CACNA1I: variants seen among roughly 807,000 people sequenced by gnomAD.
CACNA1I encodes voltage-dependent T-type calcium channel subunit alpha-1I.
CACNA1I carries 74 observed loss-of-function variants against 201.6 expected under a neutral mutation model. That is an observed-to-expected ratio of 0.37 (90% CI 0.30 to 0.45). The LOEUF (loss-of-function observed/expected upper bound fraction) is 0.45, where lower values mean the gene tolerates loss of function less well. CACNA1I is among the 20% of genes least tolerant of loss of function. CACNA1I has a pLI of 1.00. For synonymous variants in CACNA1I, 1,431 were observed against 1,345.2 expected (o/e 1.06, Z -1.40); for missense variants, 2,346 against 3,138.1 (o/e 0.75, Z 6.03).
At chr22:39,680,466 G>A (rs946128349) in intron 33 of CACNA1I, among the ~76,000 whole-genome samples, 3 of 152,206 alleles carry the variant, frequency 2.0e-5, no homozygotes, top group Non-Finnish European at 2.9e-5. Flanking sequence ...GCAGGAGCTG[G>A]AGGACTGGGC....
intron 3 of CACNA1I, among the ~76,000 whole-genome samples, chr22:39,608,686 T>A (rs1220880909): frequency 2.3e-5 from 3 of 132,914 alleles, no homozygotes; most frequent in East Asian, 2.4e-4. Context: ...AAAAAAAAAA[T>A]GTGTGTGTCT....
chr22:39,682,361 G>C, intron 34 of CACNA1I, 135 bp from the exon 35 acceptor site: 1 of 676,848 alleles, frequency 1.5e-6, no homozygotes, highest in Non-Finnish European at 2.5e-6. Context: ...GTCAGGTAGA[G>C]GAGGTGAGAG....
chr22:39,598,341 C>G, intron 2 of CACNA1I, 79 bp downstream of exon 2: 1 of 710,756 alleles, frequency 1.4e-6, no homozygotes, highest in African/African-American at 1.8e-5. Flanking sequence ...CTCCACACCC[C>G]CGCCCCATGT....
intron 4 of CACNA1I, among the ~76,000 whole-genome samples, chr22:39,628,833 C>A (rs935035997): frequency 6.6e-6 from 1 of 152,178 alleles, no homozygotes; most frequent in African/African-American, 2.4e-5. Context: ...GCTCCCCTCG[C>A]CCCGACTCCA....
chr22:39,665,475 G>A lies in CACNA1I; in HGVS notation c.3852-23G>A. The A allele has an allele frequency of 6.2e-7, 1 of 1,612,786 alleles. No homozygotes were observed. ...CTGGCCTGGCCAAGGGATTATGTGT[G>A]CCTGGCCTCTCCCTGCCGTCAGTGT... is the stretch of plus-strand genomic sequence containing the variant. On this transcript the variant is annotated intron_variant, in intron 21 of 36. Transcript: ENST00000402142. This position sits in a 1 kb window ranked among gnomAD's most constrained non-coding sequence, Gnocchi z 5.5.
chr22:39,614,254 G>A lies in CACNA1I; in HGVS notation c.483-5056G>A, dbSNP rs999459648. Among the ~76,000 whole-genome samples the A allele has an allele frequency of 7.9e-5, 12 of 152,178 alleles. No individual in the cohort carries two copies. The South Asian group carries it at 1.0e-3, about 13-fold the overall frequency. On this transcript the variant is annotated intron_variant, in intron 3 of 36. Transcript: ENST00000402142. The stretch of plus-strand genomic sequence containing the variant: ...GGGTATGAAGCTTGCGGCAGGTAGC[G>A]AGTGCTCAGATAACCTTTCTAAACC...
At chr22:39,682,724 A>T (rs1796203792) in intron 35 of CACNA1I, 63 bp downstream of exon 35, 2 of 1,442,072 alleles carry the variant, frequency 1.4e-6, no homozygotes, top group Non-Finnish European at 1.9e-6. Context: ...CTTCAGAGGG[A>T]GATGGCTGAG....
At chr22:39,682,287 T>C (rs574087305) in intron 34 of CACNA1I, among the ~76,000 whole-genome samples, 66 of 152,350 alleles carry the variant, frequency 4.3e-4, no homozygotes, top group African/African-American at 1.6e-3. Flanking sequence ...GGGAAGTCAC[T>C]AACTGCCTGG....
intron 2 of CACNA1I, 73 bp from the exon 3 acceptor site, chr22:39,600,447 C>A: frequency 7.6e-7 from 1 of 1,316,574 alleles, no homozygotes; most frequent in Admixed American, 1.8e-5. Flanking sequence ...CCACCTCACA[C>A]TGTGGCTGCA....
Position 39,662,397 on chromosome 22 carries a change from C to G in CACNA1I, c.3334C>G (p.Arg1112Gly), listed in dbSNP as rs1164566363. Residue 1112 changes from arginine to glycine, a missense_variant, in exon 17 of 37, where the codon CGC becomes GGC. Around this residue, in one of 13 missense-constraint regions of CACNA1I, gnomAD observed 288 missense variants for 255.2 expected, o/e 1.13. Coordinates refer to ENST00000402142, the MANE Select transcript of CACNA1I (RefSeq NM_021096.4). ...AKDVFTKMGD[R>G]GDRGEDEEEI... is the part of the protein sequence containing the mutation. ...AGACGTCTTCACCAAGATGGGCGAC[C>G]GCGGGGATCGCGGGGAGGATGAGGA... 1.4e-6 allele frequency: 2 copies of G among 1,461,998 alleles called. No individual in the cohort carries two copies. Among genetic ancestry groups the G allele is most frequent in the Non-Finnish European group, 1.8e-6 (2 of 1,116,454 alleles). 90.6% of individuals were successfully genotyped at this position (1,461,998 alleles called of 1,614,324 possible). A position where few individuals can be genotyped will look rare whatever the true frequency, so the allele number is the denominator to read the frequency against.
rs555340288 is a variant in CACNA1I, at chr22:39,665,943, G to A, written c.4041G>A (p.Ser1347=). 15 of 1,613,824 alleles carry A rather than the reference G, an allele frequency of 9.3e-6. No homozygotes were observed. The highest frequency in any genetic ancestry group is 3.3e-5 in the South Asian group (3 of 91,078). The change falls in exon 23 of 37, where the codon TCG becomes TCA. Residue 1347 remains serine, a synonymous_variant. Coordinates refer to ENST00000402142, the MANE Select transcript of CACNA1I (RefSeq NM_021096.4). The surrounding 1 kb of genome is among the most constrained non-coding windows in gnomAD (Gnocchi z 5.5). The stretch of plus-strand genomic sequence containing the variant: ...ACACCCGCAACATCACCAACCGCTC[G>A]GACTGCATGGCCGCCAACTACCGCT... ...GVDTRNITNR[S]DCMAANYRWV...
Position 39,664,907 on chromosome 22 carries a change from A to G in CACNA1I, c.3835A>G (p.Thr1279Ala). Residue 1279 changes from threonine (T) to alanine (A), a missense_variant, in exon 21 of 37, where the codon ACC (threonine) becomes GCC (alanine). By Grantham distance (58) the Thr-to-Ala change is moderately conservative. Transcript: ENST00000402142. The stretch of plus-strand genomic sequence containing the variant: ...CCTCCGAGTCTTGCGGCTCCTGCGC[A>G]CCCTACGCCCCCTGCGGTGAGGACC... ...GVLRVLRLLR[T>A]LRPLRVISRA... The G allele has an allele frequency of 6.2e-7, 1 of 1,611,512 alleles. No individual in the cohort carries two copies. The highest frequency in any genetic ancestry group is 8.5e-7 in the Non-Finnish European group (1 of 1,179,662).
At chr22:39,593,061 C>CT (rs1932840588) in intron 1 of CACNA1I, among the ~76,000 whole-genome samples, 1 of 152,240 alleles carries the variant, frequency 6.6e-6, no homozygotes, top group Non-Finnish European at 1.5e-5. Context: ...TGGGCAAGGG[C>CT]TGAGACCATC....
At position 39,666,147 on chromosome 22, in the gene CACNA1I, C is replaced by T. The variant is rs1935187565; in HGVS notation, c.4104+141C>T. 1.4e-5 allele frequency: 15 copies of T among 1,093,240 alleles called. No homozygotes were observed. Among genetic ancestry groups the T allele is most frequent in the Non-Finnish European group, 1.8e-5 (14 of 756,892 alleles). The allele number at this position is 1,093,240 out of a possible 1,614,324, so 67.7% of individuals were successfully genotyped here. A position where few individuals can be genotyped will look rare whatever the true frequency, so the allele number is the denominator to read the frequency against. On this transcript the variant is annotated intron_variant, in intron 23 of 36. Transcript: ENST00000402142. The surrounding 1 kb of genome is among the most constrained non-coding windows in gnomAD (Gnocchi z 4.1). ...CTCCAAGCCTCAGTTTCCTCTTCTGCAAAATGGGTAAGGGTAGCACTCACC... is the reference window on the plus strand; with the variant it reads ...CTCCAAGCCTCAGTTTCCTCTTCTGTAAAATGGGTAAGGGTAGCACTCACC...
intron 5 of CACNA1I, among the ~76,000 whole-genome samples, chr22:39,635,236 G>A (rs1321250796): frequency 6.6e-6 from 1 of 152,198 alleles, no homozygotes; most frequent in African/African-American, 2.4e-5. Flanking sequence ...GGCGTGCACC[G>A]ACTAAGTGCC....
intron 1 of CACNA1I, 55 bp from the exon 2 acceptor site, chr22:39,598,096 C>T (rs956396137): frequency 5.6e-6 from 6 of 1,074,448 alleles, no homozygotes; most frequent in East Asian, 2.6e-5. Context: ...CTAGGGTGCA[C>T]CCCAGCCCCC....
At chr22:39,661,663 A>T (rs1935016081) in intron 16 of CACNA1I, among the ~76,000 whole-genome samples, 1 of 152,220 alleles carries the variant, frequency 6.6e-6, no homozygotes, top group African/African-American at 2.4e-5. Context: ...CCCTTCTCTG[A>T]GCCTCAGTTT....
chr22:39,683,621 C>T (rs964293924), intron 35 of CACNA1I, among the ~76,000 whole-genome samples: 1 of 152,208 alleles, frequency 6.6e-6, no homozygotes, highest in Non-Finnish European at 1.5e-5. Flanking sequence ...ACTGTCCAGC[C>T]GTCTTGGGTA....
chr22:39,663,712 G>GCC lies in CACNA1I; in HGVS notation c.3474-4_3474-3dup. On this transcript the variant is annotated splice_region_variant and splice_polypyrimidine_tract_variant and intron_variant, in intron 18 of 36. Transcript: ENST00000402142. ...CGCTCAGGCAGCCCCCGCCCACCCT[G>GCC]CCCAGGTTCCGGGTCCTGTGTCAGA... 4.5e-6 allele frequency: 5 copies of GCC among 1,118,612 alleles called. No homozygotes were observed. Among genetic ancestry groups the GCC allele is most frequent in the East Asian group, 2.5e-5 (1 of 39,716 alleles). The allele number at this position is 1,118,612 out of a possible 1,614,324, so 69.3% of individuals were successfully genotyped here. A position where few individuals can be genotyped will look rare whatever the true frequency, so the allele number is the denominator to read the frequency against.
Sources: allele counts gnomAD v4.1 joint callset (sites outside exome capture counted in the v4.1 genomes callset), GRCh38; gene constraint gnomAD v4.1.1; regional missense constraint gnomAD v4.1.1; non-coding constraint Gnocchi (gnomAD v3.1); transcripts MANE v1.5; gene names NCBI Gene and HGNC (gene_info 2026-07-23, HGNC 2026-07-21).